NEGR1: variants seen among roughly 807,000 people sequenced by gnomAD.
NEGR1 encodes IgLON family member 4.
A neutral mutation model predicts 40.9 loss-of-function variants in NEGR1; 10 were observed. That is an observed-to-expected ratio of 0.24 (90% CI 0.15 to 0.42). NEGR1 has a LOEUF of 0.42. Ranked by LOEUF, NEGR1 falls within the 10% of genes least tolerant of loss-of-function variation. The pLI, the probability that NEGR1 is intolerant of heterozygous loss-of-function variation, is 1.00. For missense variants in NEGR1, 352 were observed against 438.9 expected (o/e 0.80, Z 1.77); for synonymous variants, 185 against 166.8 (o/e 1.11, Z -0.84).
At chr1:71,570,156 A>G (rs1342175708) in intron 6 of NEGR1, among the ~76,000 whole-genome samples, 1 of 152,234 alleles carries the variant, frequency 6.6e-6, no homozygotes. Context: ...CATGATTTAA[A>G]AGAATTCTAG....
At chr1:72,022,173 G>A (rs543403329) in intron 1 of NEGR1, among the ~76,000 whole-genome samples, 1 of 149,254 alleles carries the variant, frequency 6.7e-6, no homozygotes, top group Non-Finnish European at 1.5e-5. Context: ...ATAAGAGAAA[G>A]ACTCTGTACT....
intron 3 of NEGR1, among the ~76,000 whole-genome samples, chr1:71,708,267 A>G (rs551411): frequency 0.45 from 68,413 of 151,506 alleles, 15,665 homozygotes; most frequent in East Asian, 0.74. Flanking sequence ...AGATAACACC[A>G]AGAAGGAACT....
intron 4 of NEGR1, among the ~76,000 whole-genome samples, chr1:71,611,501 A>C (rs1650248752): frequency 6.6e-6 from 1 of 152,204 alleles, no homozygotes; most frequent in Admixed American, 6.5e-5. Context: ...ACAGGGAGCC[A>C]GTCACTGGGC....
At chr1:71,968,538 T>A (rs1222608464) in intron 1 of NEGR1, among the ~76,000 whole-genome samples, 1 of 152,168 alleles carries the variant, frequency 6.6e-6, no homozygotes, top group East Asian at 1.9e-4. Flanking sequence ...AAATCCTAGT[T>A]TACTTTAAAG....
Position 71,611,097 on chromosome 1 carries a change from G to A in NEGR1, c.717C>T (p.Arg239=), listed in dbSNP as rs761433632. ...EIKSGTVTPG[R]SGLIRCEGAG... Reference sequence around the variant, plus strand: ...CACCTTCACATCTTATCAGGCCACTGCGTCCGGGGGTCACGGTGCCAGATT... The same window carrying A: ...CACCTTCACATCTTATCAGGCCACTACGTCCGGGGGTCACGGTGCCAGATT... Residue 239 remains arginine, a synonymous_variant, in exon 5 of 7, where the codon CGC becomes CGT. Transcript: ENST00000357731. 1.2e-6 allele frequency: 2 copies of A among 1,613,842 alleles called. No homozygotes were observed.
At chr1:71,488,078 T>C (rs1463391307) in intron 6 of NEGR1, 1 of 151,868 alleles carries the variant, frequency 6.6e-6, no homozygotes, top group Non-Finnish European at 1.5e-5. Context: ...CAGATGTATA[T>C]GCTCAAGATT....
chr1:71,800,883 A>G (rs569065896), intron 2 of NEGR1, among the ~76,000 whole-genome samples: 1 of 152,132 alleles, frequency 6.6e-6, no homozygotes, highest in South Asian at 2.1e-4. Context: ...ACAACAAAAA[A>G]CCTCTTGAGC....
chr1:71,625,165 A>C (rs1211161282), intron 4 of NEGR1, among the ~76,000 whole-genome samples: 4 of 152,138 alleles, frequency 2.6e-5, no homozygotes, highest in African/African-American at 9.6e-5. Context: ...TGAATGTTTA[A>C]CATTCCCACT....
At chr1:72,037,567 C>G (rs1427185517) in intron 1 of NEGR1, among the ~76,000 whole-genome samples, 1 of 152,132 alleles carries the variant, frequency 6.6e-6, no homozygotes, top group Non-Finnish European at 1.5e-5. Flanking sequence ...CCAAGTTAAA[C>G]TATAACTGCC....
At chr1:71,685,378 A>C (rs1170882854) in intron 4 of NEGR1, among the ~76,000 whole-genome samples, 5 of 147,482 alleles carry the variant, frequency 3.4e-5, no homozygotes. Context: ...GCTGGAGTGC[A>C]ATGGCATGAT....
chr1:71,542,038 AAAAACAAC>A (rs1470122041), intron 6 of NEGR1, among the ~76,000 whole-genome samples: 19 of 151,804 alleles, frequency 1.3e-4, no homozygotes, highest in Admixed American at 5.3e-4. Context: ...GACCATAAAT[AAAAACAAC>A]AAAACAATTA....
intron 4 of NEGR1, among the ~76,000 whole-genome samples, chr1:71,663,562 T>C (rs1415922467): frequency 6.6e-6 from 1 of 152,190 alleles, no homozygotes; most frequent in Non-Finnish European, 1.5e-5. Context: ...TGGAATCCCA[T>C]TGAATTATTT....
chr1:71,422,601 G>A (rs910143114), intron 6 of NEGR1: 47 of 152,100 alleles, frequency 3.1e-4, no homozygotes, highest in African/African-American at 1.1e-3. Context: ...AAATCACCTC[G>A]GATTTAATCT....
intron 1 of NEGR1, among the ~76,000 whole-genome samples, chr1:72,022,066 C>T (rs963852521): frequency 6.6e-6 from 1 of 151,656 alleles, no homozygotes; most frequent in Non-Finnish European, 1.5e-5. Context: ...ACCCGGGAGG[C>T]GGAGCTTGCA....
At chr1:71,448,584 G>C (rs909085800) in intron 6 of NEGR1, among the ~76,000 whole-genome samples, 1 of 151,890 alleles carries the variant, frequency 6.6e-6, no homozygotes, top group Non-Finnish European at 1.5e-5. Context: ...GGGCGAGAGA[G>C]GGAGACTCCA....
At chr1:71,566,679 C>T (rs1430006063) in intron 6 of NEGR1, among the ~76,000 whole-genome samples, 3 of 152,236 alleles carry the variant, frequency 2.0e-5, no homozygotes, top group Non-Finnish European at 2.9e-5. Flanking sequence ...CAAATGATCT[C>T]GGCAACTTCT....
At chr1:71,538,795 A>T (rs1647592625) in intron 6 of NEGR1, among the ~76,000 whole-genome samples, 1 of 151,752 alleles carries the variant, frequency 6.6e-6, no homozygotes, top group African/African-American at 2.4e-5. Context: ...ATGTATTTAT[A>T]GCTAACATCA....
chr1:71,806,439 C>G (rs1187557368), intron 2 of NEGR1, among the ~76,000 whole-genome samples: 1 of 151,612 alleles, frequency 6.6e-6, no homozygotes, highest in African/African-American at 2.4e-5. Context: ...GTGTGTAGGT[C>G]TATAAAAAGT....
chr1:71,670,080 G>A (rs1416570069), intron 4 of NEGR1, among the ~76,000 whole-genome samples: 2 of 151,964 alleles, frequency 1.3e-5, no homozygotes, highest in Non-Finnish European at 2.9e-5. Context: ...GTTACCATTT[G>A]TGATTATTTT....
Sources: gnomAD v4.1 joint callset for allele counts (sites outside exome capture counted in the v4.1 genomes callset) on GRCh38, gnomAD v4.1.1 for gene constraint, MANE v1.5 for transcripts, NCBI Gene and HGNC (gene_info 2026-07-23, HGNC 2026-07-21) for gene names.